Variants in LLGL2 observed in about 807,000 individuals in gnomAD.
LLGL2 encodes the protein LLGL2, scribble cell polarity complex component.
A neutral mutation model predicts 123.2 loss-of-function variants in LLGL2; 81 were observed. That is an observed-to-expected ratio of 0.66 (90% CI 0.55 to 0.79). The LOEUF (loss-of-function observed/expected upper bound fraction) is 0.79. LLGL2 is among the 30% of genes least tolerant of loss of function. LLGL2 has a pLI of 0.00. For synonymous variants in LLGL2, 577 were observed against 594.1 expected, an observed-to-expected ratio of 0.97 and a Z score of 0.42; for missense variants, 1,273 against 1,414.6, an observed-to-expected ratio of 0.90 and a Z score of 1.61.
chr17:75,563,493 AC>A, intron 8 of LLGL2, 30 bp downstream of exon 8: 2 of 1,608,718 alleles, frequency 1.2e-6, no homozygotes. Flanking sequence ...GGCAGGGCCC[AC>A]CCCCAGTGCC....
Position 75,570,827 on chromosome 17 carries a change from G to A in LLGL2, c.2026-123G>A, listed in dbSNP as rs71382173. The stretch of plus-strand genomic sequence containing the variant: ...TTGGACAAGGGTCCCTCTAGACGCA[G>A]GCCTGGCAGGTGGCTGGCATGGCTG... On this transcript the variant is annotated intron_variant, in intron 16 of 25. Coordinates refer to ENST00000392550, the MANE Select transcript of LLGL2 (RefSeq NM_001031803.2). The A allele has an allele frequency of 2.3e-6, 3 of 1,302,424 alleles. No individual in the cohort carries two copies. In the African/African-American group the frequency reaches 4.4e-5, roughly 19 times the overall value. The allele number at this position is 1,302,424 out of a possible 1,614,324, so 80.7% of individuals were successfully genotyped here. A position where few individuals can be genotyped will look rare whatever the true frequency, so the allele number is the denominator to read the frequency against.
At position 75,573,407 on chromosome 17, in the gene LLGL2, C is replaced by T. The variant is rs1598642640; in HGVS notation, c.2726-74C>T. ...CGGAGAACTGCGAGGGAGCACTAGCCCCTACTCCCCCAGGTGGGGAGGCAG... is the reference window on the plus strand; with the variant it reads ...CGGAGAACTGCGAGGGAGCACTAGCTCCTACTCCCCCAGGTGGGGAGGCAG... On this transcript the variant is annotated intron_variant, in intron 20 of 25. Transcript: ENST00000392550. 3.2e-6 allele frequency: 5 copies of T among 1,565,914 alleles called. No homozygotes were observed. In the South Asian group the frequency reaches 3.5e-5, roughly 11 times the overall value.
rs577409355 is a variant in LLGL2, at chr17:75,575,190, A to C, written c.*312A>C. 7.4e-6 allele frequency: 4 copies of C among 539,314 alleles called. No individual in the cohort carries two copies. The South Asian group carries it at 9.5e-5, about 13-fold the overall frequency. The allele number at this position is 539,314 out of a possible 1,614,324, so 33.4% of individuals were successfully genotyped here. ...GCCTCTGGGTGAAAAAGTTTTTAAT[A>C]AACACCTATTACCTCTTGACTGGTC... is the stretch of plus-strand genomic sequence containing the variant. On this transcript the variant is annotated 3_prime_UTR_variant, in exon 26 of 26. Transcript: ENST00000392550.
At chr17:75,538,592 C>T (rs1419949488) in intron 1 of LLGL2, 1 of 152,116 alleles carries the variant, frequency 6.6e-6, no homozygotes, top group Non-Finnish European at 1.5e-5. Flanking sequence ...GACAAAAGGT[C>T]TTGAATGGGA....
At chr17:75,531,707 G>T (rs547218440) in intron 1 of LLGL2, among the ~76,000 whole-genome samples, 70 of 152,302 alleles carry the variant, frequency 4.6e-4, no homozygotes, top group African/African-American at 1.5e-3. Flanking sequence ...CCCCAGCCCT[G>T]GCTCCCTAGG....
intron 1 of LLGL2, among the ~76,000 whole-genome samples, chr17:75,532,824 A>G (rs1010807910): frequency 6.6e-5 from 10 of 152,198 alleles, no homozygotes; most frequent in African/African-American, 2.4e-4. Flanking sequence ...TCCGAACAGG[A>G]TGCCAGGCAT....
intron 2 of LLGL2, among the ~76,000 whole-genome samples, chr17:75,546,488 C>T (rs1475429881): frequency 2.0e-5 from 3 of 152,162 alleles, no homozygotes; most frequent in Non-Finnish European, 2.9e-5. Flanking sequence ...CTGCAGTGTC[C>T]GGCAGCATCG....
intron 1 of LLGL2, among the ~76,000 whole-genome samples, chr17:75,539,897 C>T (rs781102270): frequency 6.6e-6 from 1 of 152,208 alleles, no homozygotes; most frequent in Non-Finnish European, 1.5e-5. Flanking sequence ...GTGTGAGTTA[C>T]TGCGGCTGGT....
At chr17:75,553,746 T>G (rs2054781484) in intron 2 of LLGL2, among the ~76,000 whole-genome samples, 1 of 152,158 alleles carries the variant, frequency 6.6e-6, no homozygotes, top group Non-Finnish European at 1.5e-5. Context: ...ATTAAGAAAC[T>G]GAACTAAAAA....
chr17:75,569,908 C>T lies in LLGL2; in HGVS notation c.1582-55C>T, dbSNP rs753768242. 1.4e-4 allele frequency: 217 copies of T among 1,523,104 alleles called. 1 individual carries two copies. Among genetic ancestry groups the T allele is most frequent in the African/African-American group, 2.6e-4 (19 of 72,658 alleles). 94.3% of individuals were successfully genotyped at this position (1,523,104 alleles called of 1,614,324 possible). A position where few individuals can be genotyped will look rare whatever the true frequency, so the allele number is the denominator to read the frequency against. ...TGCTGTCCCCACTAGTAGCATCCTG[C>T]GGCCCTGCCGTCCCTTTGCTGAGGG... On this transcript the variant is annotated intron_variant, in intron 14 of 25. Transcript: ENST00000392550.
intron 2 of LLGL2, among the ~76,000 whole-genome samples, chr17:75,547,429 CCT>C (rs1376403832): frequency 6.6e-6 from 1 of 152,222 alleles, no homozygotes; most frequent in Non-Finnish European, 1.5e-5. Context: ...CATTACTTAG[CCT>C]CTCTGTTCTT....
At chr17:75,573,858 G>T (rs1052347004) in intron 21 of LLGL2, 94 bp from the exon 22 acceptor site, 18 of 1,439,672 alleles carry the variant, frequency 1.3e-5, no homozygotes, top group Admixed American at 1.2e-4. Flanking sequence ...CTCAGGACAG[G>T]CTGCGCCATT....
chr17:75,532,077 C>CACACT (rs58220046), intron 1 of LLGL2, among the ~76,000 whole-genome samples: 9 of 83,998 alleles, frequency 1.1e-4, no homozygotes, highest in Non-Finnish European at 1.6e-4. Flanking sequence ...CACACACACA[C>CACACT]TTTTTTTTTT....
In LLGL2 at chr17:75,570,391, C is replaced by T. The variant is rs1244281632; in HGVS notation, c.1918C>T (p.Leu640Phe). Residue 640 changes from leucine (L) to phenylalanine (F), a missense_variant, in exon 16 of 26, where the codon CTC becomes TTC. By Grantham distance (22) the Leu-to-Phe change is conservative. Transcript: ENST00000392550. ...TGACCAGCTGGCCTTGGAGGGCCCACTCTCCCGCGTCAAGTCCCTCAAGAA... is the reference window on the plus strand; with the variant it reads ...TGACCAGCTGGCCTTGGAGGGCCCATTCTCCCGCGTCAAGTCCCTCAAGAA... ...PSDQLALEGP[L>F]SRVKSLKKSL... 1 of 1,611,112 alleles carries T rather than the reference C, an allele frequency of 6.2e-7. No homozygotes were observed. The highest frequency in any genetic ancestry group is 1.7e-5 in the Admixed American group (1 of 59,716).
intron 1 of LLGL2, among the ~76,000 whole-genome samples, chr17:75,528,555 A>G (rs1376776540): frequency 2.0e-5 from 3 of 152,154 alleles, no homozygotes; most frequent in Non-Finnish European, 2.9e-5. Flanking sequence ...CCTCACCAAC[A>G]TGGAGATACC....
chr17:75,572,964 C>T, intron 19 of LLGL2, 50 bp from the exon 20 acceptor site: 1 of 1,557,586 alleles, frequency 6.4e-7, no homozygotes, highest in African/African-American at 1.3e-5. Context: ...CAGCACAGGG[C>T]AGGAGAACTG....
At chr17:75,566,017 G>A (rs1422266452) in intron 10 of LLGL2, among the ~76,000 whole-genome samples, 3 of 152,208 alleles carry the variant, frequency 2.0e-5, no homozygotes, top group Non-Finnish European at 4.4e-5. Flanking sequence ...CAGCAGTGCT[G>A]GTTTAGACAA....
chr17:75,541,899 T>C (rs2054226115), intron 1 of LLGL2, among the ~76,000 whole-genome samples: 1 of 151,692 alleles, frequency 6.6e-6, no homozygotes, highest in Non-Finnish European at 1.5e-5. Flanking sequence ...TCGGCTAACT[T>C]TTTGTATTTT....
In LLGL2 at chr17:75,543,421, A is replaced by G; in HGVS notation, c.-6A>G. On this transcript the variant is annotated 5_prime_UTR_variant, in exon 2 of 26. Coordinates refer to ENST00000392550, the MANE Select transcript of LLGL2 (RefSeq NM_001031803.2). Reference sequence around the variant, plus strand: ...GGTCTCCAGTGGGGGCTGCAGACTAAGCAAAATGAGGCGGTTCCTGAGGCC... The same window carrying G: ...GGTCTCCAGTGGGGGCTGCAGACTAGGCAAAATGAGGCGGTTCCTGAGGCC... 1 of 1,606,140 alleles carries G rather than the reference A, an allele frequency of 6.2e-7. No homozygotes were observed. Among genetic ancestry groups the G allele is most frequent in the Non-Finnish European group, 8.5e-7 (1 of 1,175,562 alleles).
Sources: allele counts gnomAD v4.1 joint callset (sites outside exome capture counted in the v4.1 genomes callset), GRCh38; gene constraint gnomAD v4.1.1; transcripts MANE v1.5; gene names NCBI Gene and HGNC (gene_info 2026-07-23, HGNC 2026-07-21).